Variants in TRHDE observed in about 807,000 individuals in gnomAD.
The protein encoded by TRHDE is thyrotropin-releasing hormone-degrading ectoenzyme.
Under a neutral mutation model 125.7 loss-of-function variants are expected in TRHDE, and 72 were observed. The observed-to-expected ratio is 0.57, with a 90% CI of 0.47 to 0.70. The LOEUF (loss-of-function observed/expected upper bound fraction) is 0.70, where lower values mean the gene tolerates loss of function less well. TRHDE is among the 30% of genes least tolerant of loss of function. The pLI is 0.00. For synonymous variants in TRHDE, 509 were observed against 509.1 expected, an observed-to-expected ratio of 1.00 and a Z score of 0.00; for missense variants, 1,110 against 1,327.1, an observed-to-expected ratio of 0.84 and a Z score of 2.54.
intron 7 of TRHDE, among the ~76,000 whole-genome samples, chr12:72,559,077 G>C (rs756858238): frequency 2.0e-5 from 3 of 152,284 alleles, no homozygotes; most frequent in Non-Finnish European, 4.4e-5. Context: ...AACTCGCACA[G>C]TGTTAAAAAG....
intron 6 of TRHDE, among the ~76,000 whole-genome samples, chr12:72,506,595 G>A (rs1358376462): frequency 6.6e-6 from 1 of 152,052 alleles, no homozygotes; most frequent in Non-Finnish European, 1.5e-5. Context: ...CAGATATTTA[G>A]CAAATAAACA....
chr12:72,165,279 C>T (rs891775059), intron 2 of TRHDE, among the ~76,000 whole-genome samples: 6 of 152,130 alleles, frequency 3.9e-5, no homozygotes, highest in Non-Finnish European at 8.8e-5. Context: ...TTCAGTTCAC[C>T]AATGATCCTT....
At chr12:72,125,227 G>T (rs765119241) in intron 2 of TRHDE, among the ~76,000 whole-genome samples, 1 of 152,032 alleles carries the variant, frequency 6.6e-6, no homozygotes, top group African/African-American at 2.4e-5. Flanking sequence ...CTCTGGAATC[G>T]TTTTGTATAG....
intron 3 of TRHDE, among the ~76,000 whole-genome samples, chr12:72,400,800 G>A (rs188224887): frequency 1.6e-4 from 25 of 152,164 alleles, no homozygotes; most frequent in Admixed American, 1.0e-3. Context: ...AACACTTTGC[G>A]TGTTGAATAA....
chr12:72,341,308 G>A (rs192956882), intron 2 of TRHDE, among the ~76,000 whole-genome samples: 3 of 137,124 alleles, frequency 2.2e-5, no homozygotes, highest in African/African-American at 5.4e-5. Flanking sequence ...GATGTTCCCC[G>A]CCCTGTGTCC....
At chr12:72,533,564 C>A (rs1445141621) in intron 6 of TRHDE, among the ~76,000 whole-genome samples, 2 of 151,802 alleles carry the variant, frequency 1.3e-5, no homozygotes, top group African/African-American at 2.4e-5. Flanking sequence ...TTTTCTGTAG[C>A]TATGTGCCCA....
intron 3 of TRHDE, among the ~76,000 whole-genome samples, chr12:72,445,856 T>A (rs186549374): frequency 4.6e-5 from 7 of 152,086 alleles, no homozygotes; most frequent in African/African-American, 1.4e-4. Context: ...TTGCTTTCTT[T>A]TTTCCCCCCG....
intron 2 of TRHDE, among the ~76,000 whole-genome samples, chr12:72,363,285 A>G (rs1871192593): frequency 7.0e-6 from 1 of 143,446 alleles, no homozygotes; most frequent in African/African-American, 2.6e-5. Flanking sequence ...GGCCAGCATC[A>G]TCCTGATACC....
intron 6 of TRHDE, among the ~76,000 whole-genome samples, chr12:72,507,732 T>C (rs1462858300): frequency 6.6e-6 from 1 of 152,172 alleles, no homozygotes; most frequent in East Asian, 1.9e-4. Context: ...TAAGAAGAGC[T>C]GAATGTCAAT....
chr12:72,562,053 C>A, intron 7 of TRHDE, 112 bp from the exon 8 acceptor site: 1 of 524,372 alleles, frequency 1.9e-6, no homozygotes. Context: ...TTTTTTATGT[C>A]CTTTTTTATT....
intron 15 of TRHDE, among the ~76,000 whole-genome samples, chr12:72,623,159 A>G (rs1873120639): frequency 6.6e-6 from 1 of 152,086 alleles, no homozygotes; most frequent in Non-Finnish European, 1.5e-5. Context: ...CAACATAAAT[A>G]CAGCCAAAAT....
At chr12:72,624,117 A>G (rs74105940) in intron 15 of TRHDE, among the ~76,000 whole-genome samples, 3,687 of 152,080 alleles carry the variant, frequency 0.024, 156 homozygotes, top group African/African-American at 0.085. Flanking sequence ...AATATCCACT[A>G]TGCTGCTAGG....
At chr12:72,359,029 C>G (rs1870946470) in intron 2 of TRHDE, among the ~76,000 whole-genome samples, 1 of 151,708 alleles carries the variant, frequency 6.6e-6, no homozygotes, top group African/African-American at 2.4e-5. Flanking sequence ...TTCACTCACT[C>G]TTTAGGAAAA....
chr12:72,227,795 A>G (rs1197617261), intron 2 of TRHDE, among the ~76,000 whole-genome samples: 5 of 152,306 alleles, frequency 3.3e-5, no homozygotes, highest in Middle Eastern at 3.4e-3. Context: ...TCCAAATGTG[A>G]CAAATTGGCC....
At chr12:72,118,093 C>G (rs534486424) in intron 2 of TRHDE, among the ~76,000 whole-genome samples, 7 of 152,146 alleles carry the variant, frequency 4.6e-5, no homozygotes, top group Admixed American at 1.3e-4. Context: ...GCTAGGACTT[C>G]TAGTACTATG....
chr12:72,589,673 C>T (rs1285576846), intron 12 of TRHDE, among the ~76,000 whole-genome samples: 1 of 152,070 alleles, frequency 6.6e-6, no homozygotes, highest in Non-Finnish European at 1.5e-5. Flanking sequence ...TCATCTAGGT[C>T]ATTACAGTCA....
chr12:72,442,532 T>C (rs1052122009), intron 3 of TRHDE, among the ~76,000 whole-genome samples: 2 of 151,920 alleles, frequency 1.3e-5, no homozygotes, highest in Non-Finnish European at 2.9e-5. Flanking sequence ...TTTGGCGTTA[T>C]TGATCCTTCT....
chr12:72,174,608 T>C (rs1383426570), intron 2 of TRHDE, among the ~76,000 whole-genome samples: 1 of 152,208 alleles, frequency 6.6e-6, no homozygotes, highest in Non-Finnish European at 1.5e-5. Context: ...TCATGGATGA[T>C]ATGTTTGGAT....
chr12:72,613,654 T>A (rs1872707702), intron 12 of TRHDE, among the ~76,000 whole-genome samples: 2 of 152,318 alleles, frequency 1.3e-5, no homozygotes, highest in Admixed American at 1.3e-4. Flanking sequence ...GAGAAAATCA[T>A]GACTAATGTC....
Sources: allele counts gnomAD v4.1 joint callset (sites outside exome capture counted in the v4.1 genomes callset), GRCh38; gene constraint gnomAD v4.1.1; transcripts MANE v1.5; gene names NCBI Gene and HGNC (gene_info 2026-07-23, HGNC 2026-07-21).